Variants in IGDCC4 observed in about 807,000 individuals in gnomAD.
The protein encoded by IGDCC4 is likely ortholog of mouse neighbor of Punc E11.
In IGDCC4, 72 loss-of-function variants were observed where a neutral mutation model predicts 116.6. That is an observed-to-expected ratio of 0.62 (90% CI 0.51 to 0.75). The LOEUF is 0.75. Among genes scored for constraint, IGDCC4 ranks in the 30% least tolerant of loss-of-function variants. IGDCC4 has a pLI of 0.00. For synonymous variants in IGDCC4, 709 were observed against 719.9 expected (o/e 0.98, Z 0.24); for missense variants, 1,501 against 1,662.4 (o/e 0.90, Z 1.69).
chr15:65,394,305 T>C, intron 9 of IGDCC4, 106 bp downstream of exon 9: 1 of 1,547,490 alleles, frequency 6.5e-7, no homozygotes, highest in African/African-American at 1.4e-5. Context: ...CCTACTCTGC[T>C]TCCTTTCCTC....
chr15:65,396,004 C>T lies in IGDCC4; in HGVS notation c.1157G>A (p.Gly386Asp), dbSNP rs1435722316. ...RPNGRVKVQG[G>D]GGSLVITQIG... ...CTGTGTGATGACCAGGCTGCCACCGCCGCCCTGGACCTTGACGCGCCCGTT... is the reference window on the plus strand; with the variant it reads ...CTGTGTGATGACCAGGCTGCCACCGTCGCCCTGGACCTTGACGCGCCCGTT... Residue 386 changes from glycine to aspartate, a missense_variant, in exon 7 of 20, where the codon GGC (glycine) becomes GAC (aspartate). Transcript: ENST00000352385. 2 of 1,527,210 alleles carry T rather than the reference C, an allele frequency of 1.3e-6. No individual in the cohort carries two copies. Among genetic ancestry groups the T allele is most frequent in the Non-Finnish European group, 1.7e-6 (2 of 1,144,618 alleles). The allele number at this position is 1,527,210 out of a possible 1,614,324, so 94.6% of individuals were successfully genotyped here. A position where few individuals can be genotyped will look rare whatever the true frequency, so the allele number is the denominator to read the frequency against.
intron 2 of IGDCC4, 139 bp from the exon 3 acceptor site, chr15:65,410,458 C>A: frequency 3.1e-6 from 3 of 960,388 alleles, no homozygotes; most frequent in Non-Finnish European, 3.1e-6. Flanking sequence ...CAATTCAGAC[C>A]GAGGGAGACA....
Position 65,388,799 on chromosome 15 carries a change from A to T in IGDCC4, c.2707+9T>A. On this transcript the variant is annotated intron_variant, in intron 15 of 19. Coordinates refer to ENST00000352385, the MANE Select transcript of IGDCC4 (RefSeq NM_020962.3). ...TCTTGAGCAGATGCCCTGGGGCAGGAGCCCTCACCCTGCGTGGTGAGCAAG... is the reference window on the plus strand; with the variant it reads ...TCTTGAGCAGATGCCCTGGGGCAGGTGCCCTCACCCTGCGTGGTGAGCAAG... 2.5e-6 allele frequency: 4 copies of T among 1,613,822 alleles called. No homozygotes were observed. Among genetic ancestry groups the T allele is most frequent in the Non-Finnish European group, 2.5e-6 (3 of 1,179,952 alleles).
In IGDCC4 at chr15:65,407,039, G is replaced by T. The variant is rs147808853; in HGVS notation, c.563+3139C>A. Among the ~76,000 whole-genome samples, 31 of 152,020 alleles carry T rather than the reference G, an allele frequency of 2.0e-4. 1 individual carries two copies. Among genetic ancestry groups the T allele is most frequent in the Non-Finnish European group, 7.4e-5 (5 of 68,010 alleles). Reference sequence around the variant, plus strand: ...AACTTCTTCAGACCTCACAGGTTCCGCACCCAGCCACCAAATGACACCTAC... The same window carrying T: ...AACTTCTTCAGACCTCACAGGTTCCTCACCCAGCCACCAAATGACACCTAC... On this transcript the variant is annotated intron_variant, in intron 3 of 19. Coordinates refer to ENST00000352385, the MANE Select transcript of IGDCC4 (RefSeq NM_020962.3).
At position 65,391,585 on chromosome 15, in the gene IGDCC4, G is replaced by A. The variant is rs141511108; in HGVS notation, c.2224+295C>T. 9.9e-5 allele frequency among the ~76,000 whole-genome samples: 15 copies of A among 152,266 alleles called. No homozygotes were observed. The East Asian group carries it at 2.3e-3, about 24-fold the overall frequency. ...TTGTTTTACAGTCAAACTTGGGGTC[G>A]GGAGTTACTGATCAACCATAGGGTT... On this transcript the variant is annotated intron_variant, in intron 12 of 19. Transcript: ENST00000352385.
In IGDCC4 at chr15:65,384,624, T is replaced by C. The variant is rs181773005; in HGVS notation, c.3343-205A>G. Among the ~76,000 whole-genome samples, 24 of 152,266 alleles carry C rather than the reference T, an allele frequency of 1.6e-4. No individual in the cohort carries two copies. Among genetic ancestry groups the C allele is most frequent in the Admixed American group, 1.4e-3 (22 of 15,292 alleles). ...TCCCATTTGCCCTCATCCAGGAGTT[T>C]CAGGAGTACCAGACTCAGTCAGGGC... is the stretch of plus-strand genomic sequence containing the variant. On this transcript the variant is annotated intron_variant, in intron 19 of 19. Coordinates refer to ENST00000352385, the MANE Select transcript of IGDCC4 (RefSeq NM_020962.3). This position sits in a 1 kb window ranked among gnomAD's most constrained non-coding sequence, Gnocchi z 4.9.
At position 65,411,030 on chromosome 15, in the gene IGDCC4, G is replaced by C; in HGVS notation, c.411C>G (p.Val137=). The change falls in exon 2 of 20, where the codon GTC becomes GTG. Residue 137 remains valine, a synonymous_variant. Coordinates refer to ENST00000352385, the MANE Select transcript of IGDCC4 (RefSeq NM_020962.3). ...LGVLASQTAV[V]KLATLADFSL... is the part of the protein sequence containing the mutation. ...GATGCAAGCACTTACTGGCAAGCTT[G>C]ACGACAGCAGTCTGGCTGGCCAGCA... 1.9e-6 allele frequency: 3 copies of C among 1,607,614 alleles called. No individual in the cohort carries two copies. The highest frequency in any genetic ancestry group is 2.6e-6 in the Non-Finnish European group (3 of 1,175,326).
rs778101671 is a variant in IGDCC4 at position 65,385,982 on chromosome 15, G to T, written c.3029C>A (p.Pro1010His). 27 of 1,600,362 alleles carry T rather than the reference G, an allele frequency of 1.7e-5. No individual in the cohort carries two copies. In the South Asian group the frequency reaches 2.5e-4, roughly 15 times the overall value. The change falls in exon 18 of 20, where the codon CCC (proline) becomes CAC (histidine). Residue 1010 changes from proline to histidine, a missense_variant. Around this residue, in one of 3 missense-constraint regions of IGDCC4, gnomAD observed 368 missense variants for 355.6 expected, o/e 1.03. Coordinates refer to ENST00000352385, the MANE Select transcript of IGDCC4 (RefSeq NM_020962.3). ...CAATTCATGGGCAGCTGGGGGGCTG[G>T]GGGGGCCAAGCCGAGCTCTGGAGTA... is the stretch of plus-strand genomic sequence containing the variant. Reference protein sequence around the residue: ...ALYSRARLGPPSPPAAHELES... With the variant: ...ALYSRARLGPHSPPAAHELES...
chr15:65,401,961 C>CT (rs1443802260), intron 4 of IGDCC4, among the ~76,000 whole-genome samples: 2 of 152,150 alleles, frequency 1.3e-5, no homozygotes, highest in Non-Finnish European at 2.9e-5. Context: ...GACGAACCCC[C>CT]AGTGCCTGGA....
Position 65,411,000 on chromosome 15 carries a change from C to A in IGDCC4, c.421+20G>T, listed in dbSNP as rs200592749. On this transcript the variant is annotated intron_variant, in intron 2 of 19. Coordinates refer to ENST00000352385, the MANE Select transcript of IGDCC4 (RefSeq NM_020962.3). Reference sequence around the variant, plus strand: ...AGTCTGGGTTTCAGCCTCAGACCCCCGCCCGATGCAAGCACTTACTGGCAA... The same window carrying A: ...AGTCTGGGTTTCAGCCTCAGACCCCAGCCCGATGCAAGCACTTACTGGCAA... 1 of 1,581,222 alleles carries A rather than the reference C, an allele frequency of 6.3e-7. No homozygotes were observed. The highest frequency in any genetic ancestry group is 1.7e-5 in the Admixed American group (1 of 58,214).
At position 65,411,281 on chromosome 15, in the gene IGDCC4, C is replaced by T; in HGVS notation, c.160G>A (p.Val54Met). ...QVILGPEQAA[V>M]LNCSLGAAAA... ...GCAGCCCCCAGGCTACAGTTTAGCA[C>T]TGCAGCCTGCTCTGGGCCCAGGATC... is the stretch of plus-strand genomic sequence containing the variant. The change falls in exon 2 of 20, where the codon GTG becomes ATG. Residue 54 changes from valine to methionine, a missense_variant. Around this residue, in one of 3 missense-constraint regions of IGDCC4, gnomAD observed 898 missense variants for 978.9 expected, o/e 0.92. Coordinates refer to ENST00000352385, the MANE Select transcript of IGDCC4 (RefSeq NM_020962.3). The T allele has an allele frequency of 6.2e-7, 1 of 1,613,664 alleles. No individual in the cohort carries two copies. The highest frequency in any genetic ancestry group is 1.7e-5 in the Admixed American group (1 of 60,000).
At position 65,394,534 on chromosome 15, in the gene IGDCC4, G is replaced by C. The variant is rs1168640449; in HGVS notation, c.1591C>G (p.Pro531Ala). 1.9e-6 allele frequency: 3 copies of C among 1,606,568 alleles called. No homozygotes were observed. In the African/African-American group the frequency reaches 4.0e-5, roughly 22 times the overall value. ...TTGGGGCTGGACAGGGAGAGCTGGGGTGCTGCACTGGGGACTGAGACAGAA... is the reference window on the plus strand; with the variant it reads ...TTGGGGCTGGACAGGGAGAGCTGGGCTGCTGCACTGGGGACTGAGACAGAA... Reference protein sequence around the residue: ...HTLDDVPSAAPQLSLSSPNPS... With the variant: ...HTLDDVPSAAAQLSLSSPNPS... The change falls in exon 9 of 20, where the codon CCC (proline) becomes GCC (alanine). Residue 531 changes from proline to alanine, a missense_variant. Transcript: ENST00000352385.
chr15:65,396,031 G>A lies in IGDCC4; in HGVS notation c.1130C>T (p.Pro377Leu), dbSNP rs1478521711. Residue 377 changes from proline (P) to leucine (L), a missense_variant, in exon 7 of 20, where the codon CCC (proline) becomes CTC (leucine). By Grantham distance (98) the Pro-to-Leu change is moderately conservative. Around this residue, in one of 3 missense-constraint regions of IGDCC4, gnomAD observed 898 missense variants for 978.9 expected, o/e 0.92. Coordinates refer to ENST00000352385, the MANE Select transcript of IGDCC4 (RefSeq NM_020962.3). Reference protein sequence around the residue: ...RWLHNGAPLRPNGRVKVQGGG... With the variant: ...RWLHNGAPLRLNGRVKVQGGG... ...GCCCTGGACCTTGACGCGCCCGTTG[G>A]GCCGCAGCGGCGCCCCGTTGTGCAG... 6 of 1,469,474 alleles carry A rather than the reference G, an allele frequency of 4.1e-6. No homozygotes were observed. The highest frequency in any genetic ancestry group is 5.4e-6 in the Non-Finnish European group (6 of 1,116,182). The allele number at this position is 1,469,474 out of a possible 1,614,324, so 91.0% of individuals were successfully genotyped here.
intron 1 of IGDCC4, among the ~76,000 whole-genome samples, chr15:65,416,749 T>C (rs1595796370): frequency 6.6e-6 from 1 of 152,126 alleles, no homozygotes; most frequent in East Asian, 1.9e-4. Context: ...CTCAATCTCC[T>C]CAGTGAGACC....
chr15:65,403,541 T>C (rs1351031624), intron 3 of IGDCC4, among the ~76,000 whole-genome samples: 1 of 152,136 alleles, frequency 6.6e-6, no homozygotes, highest in Non-Finnish European at 1.5e-5. Context: ...GCCCAAGACA[T>C]AGAGGAGGTC....
At chr15:65,398,166 T>C (rs556339268) in intron 5 of IGDCC4, among the ~76,000 whole-genome samples, 14 of 152,268 alleles carry the variant, frequency 9.2e-5, no homozygotes, top group African/African-American at 3.1e-4. Context: ...CTCTGAGTAG[T>C]GGAGTGTTTG....
In IGDCC4 at chr15:65,397,077, G is replaced by A. The variant is rs571085073; in HGVS notation, c.842-88C>T. On this transcript the variant is annotated intron_variant, in intron 5 of 19. Coordinates refer to ENST00000352385, the MANE Select transcript of IGDCC4 (RefSeq NM_020962.3). Reference sequence around the variant, plus strand: ...CGAACCTCAGGAACACTCTGCACCCGGATAAAGCAAACACAACCGTCCCTG... The same window carrying A: ...CGAACCTCAGGAACACTCTGCACCCAGATAAAGCAAACACAACCGTCCCTG... The A allele has an allele frequency of 3.5e-5, 52 of 1,466,088 alleles. No individual in the cohort carries two copies. The East Asian group carries it at 7.5e-4, about 21-fold the overall frequency. The allele number at this position is 1,466,088 out of a possible 1,614,324, so 90.8% of individuals were successfully genotyped here. A position where few individuals can be genotyped will look rare whatever the true frequency, so the allele number is the denominator to read the frequency against.
intron 3 of IGDCC4, among the ~76,000 whole-genome samples, chr15:65,403,448 A>T (rs77389): frequency 0.55 from 84,052 of 151,968 alleles, 26,271 homozygotes; most frequent in African/African-American, 0.84. Context: ...TTGGAATTTT[A>T]TTTACCCCTT....
rs2063080712 is a variant in IGDCC4, at chr15:65,410,473, A to G, written c.422-154T>C. ...CAATTCAGACCGAGGGAGACACAAC[A>G]AGAAGTGGTGATTAGCGGTCAGATA... On this transcript the variant is annotated intron_variant, in intron 2 of 19. Transcript: ENST00000352385. 4.8e-6 allele frequency: 4 copies of G among 839,412 alleles called. No homozygotes were observed. In the African/African-American group the frequency reaches 6.8e-5, roughly 14 times the overall value. 52.0% of individuals were successfully genotyped at this position (839,412 alleles called of 1,614,324 possible).
Sources: gnomAD v4.1 joint callset for allele counts (sites outside exome capture counted in the v4.1 genomes callset) on GRCh38, gnomAD v4.1.1 for gene constraint, gnomAD v4.1.1 regional missense constraint, Gnocchi (gnomAD v3.1) non-coding constraint, MANE v1.5 for transcripts, NCBI Gene and HGNC (gene_info 2026-07-23, HGNC 2026-07-21) for gene names.